The following CHRM3 variants were observed in gnomAD, a reference collection of about 807,000 sequenced individuals.
CHRM3 encodes the protein cholinergic receptor muscarinic 3.
Under a neutral mutation model 41.8 loss-of-function variants are expected in CHRM3, and 11 were observed. That is an observed-to-expected ratio of 0.26 (90% CI 0.17 to 0.44). The LOEUF is 0.44. Among genes scored for constraint, CHRM3 ranks in the 20% least tolerant of loss-of-function variants. CHRM3 has a pLI of 1.00. For missense variants in CHRM3, 571 were observed against 745.4 expected, an observed-to-expected ratio of 0.77 and a Z score of 2.72; for synonymous variants, 297 against 301.4, an observed-to-expected ratio of 0.99 and a Z score of 0.15.
chr1:239,869,907 C>A (rs558019022), intron 6 of CHRM3, among the ~76,000 whole-genome samples: 64 of 152,194 alleles, frequency 4.2e-4, no homozygotes, highest in African/African-American at 1.4e-3. Flanking sequence ...GAAGAATCTA[C>A]AAAGGGAGTG....
At chr1:239,749,728 G>A (rs1665656255) in intron 5 of CHRM3, among the ~76,000 whole-genome samples, 1 of 152,156 alleles carries the variant, frequency 6.6e-6, no homozygotes, top group Non-Finnish European at 1.5e-5. Flanking sequence ...GATTCAGGGT[G>A]CTGGAAGTCA....
At chr1:239,738,469 AG>A (rs1255214542) in intron 5 of CHRM3, among the ~76,000 whole-genome samples, 7 of 151,710 alleles carry the variant, frequency 4.6e-5, no homozygotes, top group Admixed American at 1.3e-4. Flanking sequence ...GGCCAGGCTC[AG>A]GGGGGGTTTG....
At chr1:239,746,918 C>G (rs1430437731) in intron 5 of CHRM3, among the ~76,000 whole-genome samples, 1 of 151,948 alleles carries the variant, frequency 6.6e-6, no homozygotes, top group Non-Finnish European at 1.5e-5. Flanking sequence ...CCACCAACCC[C>G]AGCTAATTTT....
At chr1:239,664,089 A>C (rs966160747) in intron 4 of CHRM3, among the ~76,000 whole-genome samples, 1 of 152,190 alleles carries the variant, frequency 6.6e-6, no homozygotes, top group African/African-American at 2.4e-5. Flanking sequence ...AAAGCTACCA[A>C]AATTCTATTT....
At chr1:239,776,974 A>G (rs1668138625) in intron 5 of CHRM3, among the ~76,000 whole-genome samples, 1 of 152,182 alleles carries the variant, frequency 6.6e-6, no homozygotes, top group Non-Finnish European at 1.5e-5. Flanking sequence ...GGTCCCTTCC[A>G]TGACACATGG....
At chr1:239,584,366 A>T (rs550916503) in intron 3 of CHRM3, among the ~76,000 whole-genome samples, 2 of 152,062 alleles carry the variant, frequency 1.3e-5, no homozygotes, top group East Asian at 3.9e-4. Flanking sequence ...AGCCTCCCAA[A>T]GTGCTGGGAT....
chr1:239,493,321 T>G (rs897828833), intron 2 of CHRM3, among the ~76,000 whole-genome samples: 39 of 152,322 alleles, frequency 2.6e-4, no homozygotes, highest in African/African-American at 9.1e-4. Flanking sequence ...TAGGTTCCTA[T>G]TAGAAGAACT....
chr1:239,662,728 A>C (rs1376571280), intron 4 of CHRM3, among the ~76,000 whole-genome samples: 1 of 151,686 alleles, frequency 6.6e-6, no homozygotes, highest in Admixed American at 6.6e-5. Context: ...TTATTTGGTG[A>C]TATTGTTTTT....
Position 239,734,623 on chromosome 1 carries a change from T to C in CHRM3, c.-147+56335T>C, listed in dbSNP as rs559666661. 9.2e-5 allele frequency among the ~76,000 whole-genome samples: 14 copies of C among 152,270 alleles called. No individual in the cohort carries two copies. In the South Asian group the frequency reaches 2.7e-3, roughly 29 times the overall value. On this transcript the variant is annotated intron_variant, in intron 5 of 6. Transcript: ENST00000676153. ...ATCCTTTTTGAAGAAGTCCAGTGAA[T>C]AACTGATGATAACATTTATTATATA...
intron 6 of CHRM3, among the ~76,000 whole-genome samples, chr1:239,881,757 A>G (rs925565729): frequency 3.9e-5 from 6 of 152,138 alleles, no homozygotes; most frequent in Admixed American, 3.3e-4. Context: ...AGCCCCTTTA[A>G]TTTCTACCCT....
In CHRM3 at chr1:239,678,511, A is replaced by G. The variant is rs182328359; in HGVS notation, c.-147+223A>G. ...GGTTATATGATAAGCTCAAATTAAG[A>G]ATATAGCCATTCAAAGAGAGAGGAG... On this transcript the variant is annotated intron_variant, in intron 5 of 6. Coordinates refer to ENST00000676153, the MANE Select transcript of CHRM3 (RefSeq NM_001375978.1). Among the ~76,000 whole-genome samples the G allele has an allele frequency of 1.5e-3, 234 of 152,310 alleles. 1 individual carries two copies. Among genetic ancestry groups the G allele is most frequent in the Non-Finnish European group, 2.3e-3 (155 of 68,028 alleles).
At chr1:239,401,250 C>T (rs1482695171) in intron 1 of CHRM3, among the ~76,000 whole-genome samples, 4 of 152,114 alleles carry the variant, frequency 2.6e-5, no homozygotes, top group Non-Finnish European at 5.9e-5. Context: ...CAGCCTGTGG[C>T]CATTCTCCAG....
chr1:239,887,541 C>G (rs1475814753), intron 6 of CHRM3, among the ~76,000 whole-genome samples: 1 of 152,176 alleles, frequency 6.6e-6, no homozygotes, highest in Non-Finnish European at 1.5e-5. Flanking sequence ...GCTTTGAAAG[C>G]TAATTAAACC....
At chr1:239,460,747 G>A (rs976909880) in intron 1 of CHRM3, among the ~76,000 whole-genome samples, 3 of 152,146 alleles carry the variant, frequency 2.0e-5, no homozygotes, top group African/African-American at 7.2e-5. Flanking sequence ...CAATTTTCAT[G>A]TATACTTAGA....
intron 2 of CHRM3, among the ~76,000 whole-genome samples, chr1:239,524,692 A>G (rs1183436035): frequency 6.6e-6 from 1 of 152,178 alleles, no homozygotes; most frequent in Non-Finnish European, 1.5e-5. Flanking sequence ...AAAATTAAAC[A>G]AACTCAAAAA....
chr1:239,736,668 A>G (rs1664420167), intron 5 of CHRM3, among the ~76,000 whole-genome samples: 1 of 152,180 alleles, frequency 6.6e-6, no homozygotes, highest in South Asian at 2.1e-4. Context: ...AATTCTTCCA[A>G]GATAAATTGC....
At chr1:239,701,156 A>G (rs1285955242) in intron 5 of CHRM3, among the ~76,000 whole-genome samples, 1 of 152,170 alleles carries the variant, frequency 6.6e-6, no homozygotes, top group Non-Finnish European at 1.5e-5. Flanking sequence ...TTACTTGTGC[A>G]GTTAATTTTT....
intron 1 of CHRM3, among the ~76,000 whole-genome samples, chr1:239,394,887 A>T (rs985969146): frequency 6.6e-6 from 1 of 152,114 alleles, no homozygotes; most frequent in Non-Finnish European, 1.5e-5. Flanking sequence ...ATTTTTCTTA[A>T]CCTTTTCAAT....
intron 1 of CHRM3, among the ~76,000 whole-genome samples, chr1:239,397,008 T>C (rs1376122755): frequency 1.3e-5 from 2 of 152,234 alleles, no homozygotes; most frequent in African/African-American, 4.8e-5. Flanking sequence ...AATATGCCTT[T>C]ATTCAGCAAT....
Sources: allele counts gnomAD v4.1 joint callset (sites outside exome capture counted in the v4.1 genomes callset), GRCh38; gene constraint gnomAD v4.1.1; transcripts MANE v1.5; gene names NCBI Gene and HGNC (gene_info 2026-07-23, HGNC 2026-07-21).